CHD1L: variants seen among roughly 807,000 people sequenced by gnomAD.
The protein encoded by CHD1L is chromodomain helicase DNA binding protein 1 like.
A neutral mutation model predicts 115.9 loss-of-function variants in CHD1L; 118 were observed. The observed-to-expected ratio is 1.02, with a 90% CI of 0.88 to 1.19. The LOEUF (loss-of-function observed/expected upper bound fraction) is 1.19, where lower values mean the gene tolerates loss of function less well. CHD1L is among the 50% of genes most tolerant of loss of function. The probability of loss-of-function intolerance (pLI) is 0.00; values close to 1 mark genes in which losing one functional copy is unlikely to be tolerated. For missense variants in CHD1L, 1,179 were observed against 1,065.3 expected (o/e 1.11, Z -1.49); for synonymous variants, 411 against 387.1 (o/e 1.06, Z -0.72).
the CHD1L span, chr1:147,187,127 G>C: frequency 1.9e-6 from 3 of 1,614,016 alleles, no homozygotes; most frequent in Admixed American, 1.7e-5. Flanking sequence ...TGTAATGCCA[G>C]CTTGGGGTCA....
chr1:147,294,674 C>A (rs1319291126), intron 22 of CHD1L, among the ~76,000 whole-genome samples, 157 bp downstream of exon 22: 1 of 152,208 alleles, frequency 6.6e-6, no homozygotes, highest in African/African-American at 2.4e-5. Context: ...CACTTTCTAA[C>A]TTGTGTGTAT....
At chr1:147,227,113 G>C in the CHD1L span, among the ~76,000 whole-genome samples, 1 of 152,182 alleles carries the variant, frequency 6.6e-6, no homozygotes, top group Non-Finnish European at 1.5e-5. Context: ...ACAGGCATGA[G>C]CCAACAAGGC....
chr1:147,274,143 C>G (rs1246187136), intron 12 of CHD1L, among the ~76,000 whole-genome samples: 1 of 152,146 alleles, frequency 6.6e-6, no homozygotes, highest in Non-Finnish European at 1.5e-5. Flanking sequence ...CTTTCACCTT[C>G]TAGGCTTGCA....
At chr1:147,249,470 A>C (rs1667700907) in intron 1 of CHD1L, among the ~76,000 whole-genome samples, 1 of 127,556 alleles carries the variant, frequency 7.8e-6, no homozygotes, top group East Asian at 2.5e-4. Context: ...CAGTGGCGCT[A>C]TCTCAGCTCA....
chr1:147,288,339 A>AAAAAAAG (rs1684166123), intron 19 of CHD1L, among the ~76,000 whole-genome samples: 5 of 26,888 alleles, frequency 1.9e-4, no homozygotes, highest in Non-Finnish European at 3.7e-4. Context: ...AAAAAAAAAA[A>AAAAAAAG]AAAAAAAGAA....
chr1:147,237,406 T>C, the CHD1L span, among the ~76,000 whole-genome samples: 1 of 151,996 alleles, frequency 6.6e-6, no homozygotes, highest in East Asian at 1.9e-4. Flanking sequence ...TGGACATGAC[T>C]CAGGCAGCTG....
intron 8 of CHD1L, among the ~76,000 whole-genome samples, chr1:147,266,983 G>C (rs1674182332): frequency 6.6e-6 from 1 of 152,156 alleles, no homozygotes; most frequent in Non-Finnish European, 1.5e-5. Flanking sequence ...AATATCCACT[G>C]GGGGTTTTGG....
At chr1:147,221,296 G>A in the CHD1L span, among the ~76,000 whole-genome samples, 1 of 152,252 alleles carries the variant, frequency 6.6e-6, no homozygotes, top group Non-Finnish European at 1.5e-5. Context: ...TAATAATAAT[G>A]TATCAATATT....
At position 147,287,749 on chromosome 1, in the gene CHD1L, G is replaced by A. The variant is rs144512908; in HGVS notation, c.2320+16G>A. 0.01 allele frequency: 16,188 copies of A among 1,608,360 alleles called. 123 individuals are homozygous for A. The highest frequency in any genetic ancestry group is 0.018 in the Middle Eastern group (106 of 6,042). On this transcript the variant is annotated intron_variant, in intron 19 of 22. Coordinates refer to ENST00000369258, the MANE Select transcript of CHD1L (RefSeq NM_004284.6). ...AAAATGAAAGGTAAGAAGCAAAGCAGAGGGAAAGGTTAAGGGTGGAATAAG... is the reference window on the plus strand; with the variant it reads ...AAAATGAAAGGTAAGAAGCAAAGCAAAGGGAAAGGTTAAGGGTGGAATAAG...
At chr1:147,203,989 T>C in the CHD1L span, 62 of 1,174,144 alleles carry the variant, frequency 5.3e-5, no homozygotes, top group East Asian at 1.4e-3. Context: ...ATTTTGAGTT[T>C]AGCTTCACTA....
chr1:147,186,955 A>G, the CHD1L span: 64 of 1,614,046 alleles, frequency 4.0e-5, no homozygotes, highest in Non-Finnish European at 5.3e-5. Flanking sequence ...AAACTTGCCT[A>G]TTGTCATTGT....
intron 20 of CHD1L, among the ~76,000 whole-genome samples, 179 bp from the exon 21 acceptor site, chr1:147,293,429 T>C (rs1686336620): frequency 6.6e-6 from 1 of 152,170 alleles, no homozygotes; most frequent in Admixed American, 6.5e-5. Flanking sequence ...AAAGTAAGAA[T>C]TATGACGGGA....
the CHD1L span, among the ~76,000 whole-genome samples, chr1:147,237,426 C>T: frequency 1.2e-3 from 187 of 152,196 alleles, no homozygotes; most frequent in African/African-American, 4.0e-3. Flanking sequence ...GCAGCTGTGC[C>T]TGAGAGGGTA....
At chr1:147,175,659 C>G in the CHD1L span, 1 of 152,152 alleles carries the variant, frequency 6.6e-6, no homozygotes, top group Non-Finnish European at 1.5e-5. Context: ...CCCAGCCATG[C>G]AGAACTATAA....
the CHD1L span, among the ~76,000 whole-genome samples, chr1:147,232,020 G>A: frequency 8.5e-5 from 13 of 152,254 alleles, no homozygotes; most frequent in East Asian, 2.5e-3. Context: ...CTTCTGCTTC[G>A]CTCATGCTGG....
chr1:147,204,376 G>A, the CHD1L span: 1 of 1,039,382 alleles, frequency 9.6e-7, no homozygotes, highest in Admixed American at 1.7e-5. Context: ...AGATACGCAT[G>A]CCTGAACAAT....
At chr1:147,243,016 G>T in intron 1 of CHD1L, 186 bp downstream of exon 1, 1 of 636,366 alleles carries the variant, frequency 1.6e-6, no homozygotes, top group Non-Finnish European at 2.2e-6. Context: ...GCCCCCGCCT[G>T]CGCGGCGCGC....
intron 15 of CHD1L, among the ~76,000 whole-genome samples, chr1:147,283,173 C>CA (rs1317670088): frequency 1.3e-5 from 2 of 152,148 alleles, no homozygotes; most frequent in African/African-American, 4.8e-5. Context: ...TGACACTTCT[C>CA]AGCTCTATTT....
At chr1:147,232,531 G>A in the CHD1L span, among the ~76,000 whole-genome samples, 1 of 151,770 alleles carries the variant, frequency 6.6e-6, no homozygotes, top group Admixed American at 6.6e-5. Flanking sequence ...TCTTTCCATG[G>A]TCTCCCTGTG....
Sources: gnomAD v4.1 joint callset for allele counts (sites outside exome capture counted in the v4.1 genomes callset) on GRCh38, gnomAD v4.1.1 for gene constraint, MANE v1.5 for transcripts, NCBI Gene and HGNC (gene_info 2026-07-23, HGNC 2026-07-21) for gene names.